APOLD1: variants seen among roughly 807,000 people sequenced by gnomAD.
APOLD1 encodes apolipoprotein L domain containing 1.
A neutral mutation model predicts 15.3 loss-of-function variants in APOLD1; 22 were observed. The observed-to-expected ratio is 1.44, with a 90% confidence interval of 1.03 to 2.05. The LOEUF (loss-of-function observed/expected upper bound fraction) is 2.05, where lower values mean the gene tolerates loss of function less well. Among genes scored for constraint, APOLD1 ranks in the 30% most tolerant of loss-of-function variants. The pLI is 0.00. For synonymous variants in APOLD1, 190 were observed against 167.4 expected (o/e 1.13, Z -1.04); for missense variants, 394 against 353.5 (o/e 1.11, Z -0.92).
Position 12,791,017 on chromosome 12 carries a change from C to T in APOLD1, c.*3365C>T, listed in dbSNP as rs1460853578. On this transcript the variant is annotated 3_prime_UTR_variant, in exon 2 of 2. Coordinates refer to ENST00000356591, the MANE Select transcript of APOLD1 (RefSeq NM_030817.3). ...GTTTGTTCTAAATGTTTAAGTGCTTCTCTGTTAGGTTCTGGGGCTTGCAAT... is the reference window on the plus strand; with the variant it reads ...GTTTGTTCTAAATGTTTAAGTGCTTTTCTGTTAGGTTCTGGGGCTTGCAAT... The T allele has an allele frequency of 6.6e-6, 1 of 152,180 alleles. No individual in the cohort carries two copies. The highest frequency in any genetic ancestry group is 1.5e-5 in the Non-Finnish European group (1 of 68,044). The allele number at this position is 152,180 out of a possible 1,614,324, so 9.4% of individuals were successfully genotyped here.
chr12:12,785,010 C>G (rs1947113220), upstream of APOLD1, among the ~76,000 whole-genome samples: 1 of 152,224 alleles, frequency 6.6e-6, no homozygotes, highest in Non-Finnish European at 1.5e-5. Context: ...CCTGACCCCA[C>G]TGATTTTTCT....
At chr12:12,750,098 C>T (rs907246260) in intron 1 of APOLD1, among the ~76,000 whole-genome samples, 2 of 152,112 alleles carry the variant, frequency 1.3e-5, no homozygotes, top group Non-Finnish European at 2.9e-5. Context: ...GATGGCCGGG[C>T]GCGGTGGCTC....
chr12:12,726,015 G>C, exon 1 of APOLD1: 1 of 1,522,096 alleles, frequency 6.6e-7, no homozygotes, highest in Non-Finnish European at 8.8e-7. Context: ...TCCGCGCGCC[G>C]TGTCACCGGC....
At chr12:12,782,794 G>T (rs1030292945), upstream of APOLD1, among the ~76,000 whole-genome samples, 1 of 152,214 alleles carries the variant, frequency 6.6e-6, no homozygotes, top group East Asian at 1.9e-4. Flanking sequence ...ATTTAAAAGA[G>T]AAGTCTGAGG....
intron 1 of APOLD1, among the ~76,000 whole-genome samples, chr12:12,776,309 G>T (rs954692479): frequency 6.6e-6 from 1 of 152,186 alleles, no homozygotes; most frequent in Admixed American, 6.5e-5. Flanking sequence ...AAACAAGCAG[G>T]TGTTATAATC....
chr12:12,785,260 T>C (rs1453736119), upstream of APOLD1, among the ~76,000 whole-genome samples: 1 of 152,122 alleles, frequency 6.6e-6, no homozygotes, highest in Non-Finnish European at 1.5e-5. Flanking sequence ...TTCCACCCCC[T>C]CCCTTTTCTT....
At chr12:12,728,665 C>CAAAAAAAAAAAAAAAAAAAAA (rs58877184) in intron 1 of APOLD1, among the ~76,000 whole-genome samples, 1 of 62,872 alleles carries the variant, frequency 1.6e-5, no homozygotes, top group Non-Finnish European at 2.8e-5. Context: ...GACCCTGTCT[C>CAAAAAAAAAAAAAAAAAAAAA]AAAAAAAAAA....
intron 1 of APOLD1, among the ~76,000 whole-genome samples, chr12:12,772,282 G>A (rs551675049): frequency 2.0e-5 from 3 of 152,254 alleles, no homozygotes; most frequent in African/African-American, 4.8e-5. Flanking sequence ...ACATATAAAC[G>A]GGTAGAGAAA....
At chr12:12,786,843 G>A in intron 1 of APOLD1, 66 bp from the exon 2 acceptor site, 1 of 1,348,566 alleles carries the variant, frequency 7.4e-7, no homozygotes. Flanking sequence ...TGGCGTCCGG[G>A]CAGCAGGGCG....
intron 1 of APOLD1, among the ~76,000 whole-genome samples, chr12:12,751,515 T>C (rs1413347566): frequency 6.6e-6 from 1 of 152,156 alleles, no homozygotes; most frequent in East Asian, 1.9e-4. Flanking sequence ...CATGCCCCAC[T>C]AATTTTTAAA....
chr12:12,791,178 G>C lies in APOLD1; in HGVS notation c.*3526G>C, dbSNP rs1342407838. ...TAACTGCTTTGATGCACTTGCCCTC[G>C]GGCACCTGTCATTTCCAATATGGTA... On this transcript the variant is annotated 3_prime_UTR_variant, in exon 2 of 2. Transcript: ENST00000356591. 6.6e-6 allele frequency: 1 copy of C among 152,048 alleles called. No individual in the cohort carries two copies. The highest frequency in any genetic ancestry group is 2.4e-5 in the African/African-American group (1 of 41,408). The allele number at this position is 152,048 out of a possible 1,614,324, so 9.4% of individuals were successfully genotyped here.
chr12:12,770,761 C>A, intron 1 of APOLD1, among the ~76,000 whole-genome samples: 1 of 137,524 alleles, frequency 7.3e-6, no homozygotes, highest in African/African-American at 2.7e-5. Flanking sequence ...GCTCAGAGAA[C>A]ACCAATAAGA....
chr12:12,726,379 G>A, intron 1 of APOLD1: 1 of 509,684 alleles, frequency 2.0e-6, no homozygotes, highest in South Asian at 1.8e-5. Context: ...TCTGGGTACG[G>A]AAATTCTTTT....
chr12:12,787,107 C>A lies in APOLD1; in HGVS notation c.202C>A (p.Leu68Ile). 2 of 1,420,850 alleles carry A rather than the reference C, an allele frequency of 1.4e-6. No homozygotes were observed. Among genetic ancestry groups the A allele is most frequent in the Non-Finnish European group, 1.8e-6 (2 of 1,098,296 alleles). The allele number at this position is 1,420,850 out of a possible 1,614,324, so 88.0% of individuals were successfully genotyped here. Residue 68 changes from leucine to isoleucine, a missense_variant, in exon 2 of 2, where the codon CTC becomes ATC. Coordinates refer to ENST00000356591, the MANE Select transcript of APOLD1 (RefSeq NM_030817.3). The surrounding 1 kb of genome is among the most constrained non-coding windows in gnomAD (Gnocchi z 4.9). ...CAGCTCGCTGAGCGCAACGGGCGCC[C>A]TCGCCGCCATCGTGGGGCTCTCGCT... Reference protein sequence around the residue: ...AGSSLSATGALAAIVGLSLSP... With the variant: ...AGSSLSATGAIAAIVGLSLSP...
chr12:12,759,772 G>A (rs556244551), intron 1 of APOLD1, among the ~76,000 whole-genome samples: 3 of 152,330 alleles, frequency 2.0e-5, no homozygotes, highest in East Asian at 3.9e-4. Context: ...CAGAGCCAAC[G>A]GGAGATGAGA....
chr12:12,763,519 G>T (rs936815257), intron 1 of APOLD1, among the ~76,000 whole-genome samples: 8 of 151,636 alleles, frequency 5.3e-5, no homozygotes, highest in African/African-American at 1.7e-4. Flanking sequence ...GTGTGTGGGG[G>T]GGGGGAAAAC....
rs1947130732 is a variant in APOLD1 at position 12,786,942 on chromosome 12, G to A, written c.37G>A (p.Gly13Arg). Residue 13 changes from glycine (G) to arginine (R), a missense_variant, in exon 2 of 2, where the codon GGG becomes AGG. By Grantham distance (125) the Gly-to-Arg change is moderately radical. Transcript: ENST00000356591. Reference protein sequence around the residue: ...MERPAAREPHGPDALRRFQGL... With the variant: ...MERPAAREPHRPDALRRFQGL... ...GAGGCCGGCGGCCCGGGAGCCGCATGGGCCCGACGCGCTGCGGCGCTTCCA... is the reference window on the plus strand; with the variant it reads ...GAGGCCGGCGGCCCGGGAGCCGCATAGGCCCGACGCGCTGCGGCGCTTCCA... 1 of 1,457,972 alleles carries A rather than the reference G, an allele frequency of 6.9e-7. No individual in the cohort carries two copies. Among genetic ancestry groups the A allele is most frequent in the Non-Finnish European group, 9.0e-7 (1 of 1,113,704 alleles). 90.3% of individuals were successfully genotyped at this position (1,457,972 alleles called of 1,614,324 possible). A position where few individuals can be genotyped will look rare whatever the true frequency, so the allele number is the denominator to read the frequency against.
At chr12:12,760,653 A>C (rs551781785) in intron 1 of APOLD1, among the ~76,000 whole-genome samples, 3 of 151,774 alleles carry the variant, frequency 2.0e-5, no homozygotes, top group Non-Finnish European at 4.4e-5. Context: ...AAAAAAAAAA[A>C]AACAACCAAC....
chr12:12,745,779 G>C (rs889791305), intron 1 of APOLD1, among the ~76,000 whole-genome samples: 16 of 152,090 alleles, frequency 1.1e-4, no homozygotes, highest in African/African-American at 2.7e-4. Context: ...AGGTGGGAAG[G>C]GGGAGGAAAA....
Sources: gnomAD v4.1 joint callset for allele counts (sites outside exome capture counted in the v4.1 genomes callset) on GRCh38, gnomAD v4.1.1 for gene constraint, Gnocchi (gnomAD v3.1) non-coding constraint, MANE v1.5 for transcripts, NCBI Gene and HGNC (gene_info 2026-07-23, HGNC 2026-07-21) for gene names.